LRP2: variants seen among roughly 807,000 people sequenced by gnomAD.
LRP2 encodes the protein LDL receptor related protein 2, also known as low-density lipoprotein receptor-related protein 2.
In LRP2, 172 loss-of-function variants were observed where a neutral mutation model predicts 531.0. The observed-to-expected ratio is 0.32, with a 90% CI of 0.29 to 0.37. The LOEUF is 0.37. Among genes scored for constraint, LRP2 ranks in the 10% least tolerant of loss-of-function variants. The pLI, the probability that LRP2 is intolerant of heterozygous loss-of-function variation, is 1.00. For synonymous variants in LRP2, 1,992 were observed against 2,027.6 expected (o/e 0.98, Z 0.47); for missense variants, 5,167 against 5,868.3 (o/e 0.88, Z 3.90).
chr2:169,243,574 A>G, intron 22 of LRP2, 52 bp from the exon 23 acceptor site: 16 of 1,611,918 alleles, frequency 9.9e-6, no homozygotes, highest in Non-Finnish European at 1.3e-5. Context: ...TGCAACAAGT[A>G]CCAGAGCCAA....
At chr2:169,347,544 T>C (rs1199146369) in intron 1 of LRP2, among the ~76,000 whole-genome samples, 2 of 151,650 alleles carry the variant, frequency 1.3e-5, no homozygotes, top group Non-Finnish European at 2.9e-5. Flanking sequence ...AACTCTCTGA[T>C]TAGGTAAGGG....
intron 1 of LRP2, among the ~76,000 whole-genome samples, chr2:169,328,789 G>A (rs1331231048): frequency 2.0e-5 from 3 of 152,190 alleles, no homozygotes; most frequent in Non-Finnish European, 4.4e-5. Flanking sequence ...TTAGCCCCAG[G>A]ACCTGTGTGA....
At chr2:169,148,280 G>A (rs531756740) in intron 68 of LRP2, among the ~76,000 whole-genome samples, 82 of 152,348 alleles carry the variant, frequency 5.4e-4, no homozygotes, top group African/African-American at 1.9e-3. Context: ...TATAGAGACA[G>A]AGAGCAGATT....
Position 169,196,980 on chromosome 2 carries a change from T to C in LRP2, c.8629A>G (p.Ile2877Val). Residue 2877 changes from isoleucine (I) to valine (V), a missense_variant, in exon 46 of 79, where the codon ATT (isoleucine) becomes GTT (valine). By Grantham distance (29) the Ile-to-Val change is conservative. This residue lies in a region of LRP2 where 1,129 missense variants were observed against 1,362.7 expected (regional missense o/e 0.83). Coordinates refer to ENST00000649046, the MANE Select transcript of LRP2 (RefSeq NM_004525.3). ...TGATCACAATACCAATGTTGAGGAA[T>C]ACAGCGCCCAGATGCGCATTGGAAC... ...SEFQCASGRC[I>V]PQHWYCDQET... 2 of 1,614,150 alleles carry C rather than the reference T, an allele frequency of 1.2e-6. No individual in the cohort carries two copies. The highest frequency in any genetic ancestry group is 1.7e-6 in the Non-Finnish European group (2 of 1,179,998).
rs746169985 is a variant in LRP2, at chr2:169,137,525, G to C, written c.13519-32C>G. On this transcript the variant is annotated intron_variant, in intron 75 of 78. Transcript: ENST00000649046. ...GCAGAGACAGAAAGAGAGAGAGAGAGAGAGAGAGAAACAGAGAGAGAGATT... is the reference window on the plus strand; with the variant it reads ...GCAGAGACAGAAAGAGAGAGAGAGACAGAGAGAGAAACAGAGAGAGAGATT... 4 of 1,329,648 alleles carry C rather than the reference G, an allele frequency of 3.0e-6. No individual in the cohort carries two copies. In the South Asian group the frequency reaches 3.5e-5, roughly 12 times the overall value. 82.4% of individuals were successfully genotyped at this position (1,329,648 alleles called of 1,614,324 possible).
intron 48 of LRP2, 62 bp downstream of exon 48, chr2:169,191,770 A>T (rs1687837454): frequency 6.8e-7 from 1 of 1,463,136 alleles, no homozygotes; most frequent in Non-Finnish European, 9.6e-7. Flanking sequence ...CTGATAGGTA[A>T]GTGAGCCCAG....
chr2:169,175,381 G>A lies in LRP2; in HGVS notation c.10580C>T (p.Pro3527Leu). 6.2e-7 allele frequency: 1 copy of A among 1,614,084 alleles called. No homozygotes were observed. The highest frequency in any genetic ancestry group is 8.5e-7 in the Non-Finnish European group (1 of 1,179,996). The part of the protein sequence containing the change: ...FLCANNEKCI[P>L]IWWKCDGQKD... The stretch of plus-strand genomic sequence containing the variant: ...CTGTCCATCACATTTCCACCAGATA[G>A]GAATGCACCTGCACAGAGAACATAC... Residue 3527 changes from proline to leucine, a missense_variant, in exon 55 of 79, where the codon CCT becomes CTT. This residue lies in a region of LRP2 where 311 missense variants were observed against 309.4 expected (regional missense o/e 1.01). Transcript: ENST00000649046.
intron 16 of LRP2, among the ~76,000 whole-genome samples, chr2:169,268,287 T>G (rs1036884857): frequency 6.6e-6 from 1 of 152,174 alleles, no homozygotes; most frequent in African/African-American, 2.4e-5. Context: ...TACCAAAGCC[T>G]GGCAGAGACA....
At chr2:169,174,729 T>G (rs1687124740) in intron 55 of LRP2, among the ~76,000 whole-genome samples, 1 of 151,776 alleles carries the variant, frequency 6.6e-6, no homozygotes, top group Non-Finnish European at 1.5e-5. Flanking sequence ...AGGCTGGTGT[T>G]GGACTCCTGG....
intron 78 of LRP2, 54 bp from the exon 79 acceptor site, chr2:169,128,884 C>T: frequency 6.2e-7 from 1 of 1,602,042 alleles, no homozygotes; most frequent in Non-Finnish European, 8.6e-7. Context: ...GGTCACCATA[C>T]ACGGTTTTTC....
intron 4 of LRP2, among the ~76,000 whole-genome samples, chr2:169,296,938 T>G (rs1293771762): frequency 6.6e-6 from 1 of 152,146 alleles, no homozygotes; most frequent in African/African-American, 2.4e-5. Flanking sequence ...ACAGCTTTCT[T>G]GTCTCCATCC....
At chr2:169,273,132 C>G (rs946351406) in intron 14 of LRP2, 65 bp from the exon 15 acceptor site, 5 of 1,565,636 alleles carry the variant, frequency 3.2e-6, no homozygotes, top group Non-Finnish European at 4.4e-6. Flanking sequence ...AGACATGAAG[C>G]CACTTCTAGC....
At chr2:169,293,932 C>T (rs766480387) in intron 6 of LRP2, among the ~76,000 whole-genome samples, 3 of 152,064 alleles carry the variant, frequency 2.0e-5, no homozygotes, top group Non-Finnish European at 2.9e-5. Flanking sequence ...TACACAGATC[C>T]TTGGAAAATA....
chr2:169,351,175 G>A (rs774705015), intron 1 of LRP2, among the ~76,000 whole-genome samples: 52 of 152,200 alleles, frequency 3.4e-4, no homozygotes, highest in Non-Finnish European at 6.3e-4. Context: ...AAGGACCAGA[G>A]CTGAAAATAG....
At chr2:169,361,360 C>G (rs527359729) in intron 1 of LRP2, among the ~76,000 whole-genome samples, 1,778 of 94,154 alleles carry the variant, frequency 0.019, 35 homozygotes, top group Non-Finnish European at 0.033. Flanking sequence ...GTCTCTCTCT[C>G]TCTCTCTCTC....
intron 9 of LRP2, among the ~76,000 whole-genome samples, chr2:169,284,526 CA>C (rs1683799788): frequency 6.6e-6 from 1 of 152,062 alleles, no homozygotes; most frequent in African/African-American, 2.4e-5. Flanking sequence ...CTTGGCCTCC[CA>C]AAGTGATGGG....
intron 36 of LRP2, among the ~76,000 whole-genome samples, chr2:169,212,721 G>A (rs1688636567): frequency 6.6e-6 from 1 of 150,492 alleles, no homozygotes; most frequent in Non-Finnish European, 1.5e-5. Flanking sequence ...GCTAAGCTAT[G>A]AGGACACAAA....
chr2:169,272,052 G>A (rs2105439224), intron 15 of LRP2, among the ~76,000 whole-genome samples: 1 of 152,250 alleles, frequency 6.6e-6, no homozygotes, highest in East Asian at 1.9e-4. Context: ...TGTTTTTAAT[G>A]AGGGTGATTT....
Position 169,282,939 on chromosome 2 carries a change from G to A in LRP2, c.1105C>T (p.His369Tyr), listed in dbSNP as rs1683745719. ...DQKCESRPGR[H>Y]LCHCEEGYIL... ...TACCCTTCTTCACAGTGGCACAGGTGACGGCCAGGTCGGCTTTCACACTTC... is the reference window on the plus strand; with the variant it reads ...TACCCTTCTTCACAGTGGCACAGGTAACGGCCAGGTCGGCTTTCACACTTC... Residue 369 changes from histidine to tyrosine, a missense_variant, in exon 10 of 79, where the codon CAC (histidine) becomes TAC (tyrosine). His to Tyr is a moderately conservative substitution (Grantham distance 83). Coordinates refer to ENST00000649046, the MANE Select transcript of LRP2 (RefSeq NM_004525.3). 1 of 1,613,932 alleles carries A rather than the reference G, an allele frequency of 6.2e-7. No homozygotes were observed. The highest frequency in any genetic ancestry group is 8.5e-7 in the Non-Finnish European group (1 of 1,179,926).
Sources: gnomAD v4.1 joint callset for allele counts (sites outside exome capture counted in the v4.1 genomes callset) on GRCh38, gnomAD v4.1.1 for gene constraint, gnomAD v4.1.1 regional missense constraint, MANE v1.5 for transcripts, NCBI Gene and HGNC (gene_info 2026-07-23, HGNC 2026-07-21) for gene names.